Variants in MAD1L1 observed in about 807,000 individuals in gnomAD.
MAD1L1 encodes mitotic arrest deficient 1 like 1, also known as mitotic spindle assembly checkpoint protein MAD1.
A neutral mutation model predicts 96.9 loss-of-function variants in MAD1L1; 95 were observed. That is an observed-to-expected ratio of 0.98 (90% CI 0.83 to 1.16). The LOEUF (loss-of-function observed/expected upper bound fraction) is 1.16. Among genes scored for constraint, MAD1L1 ranks in the 50% most tolerant of loss-of-function variants. The pLI, the probability that MAD1L1 is intolerant of heterozygous loss-of-function variation, is 0.00. For missense variants in MAD1L1, 1,007 were observed against 954.4 expected, an observed-to-expected ratio of 1.06 and a Z score of -0.73; for synonymous variants, 473 against 396.6, an observed-to-expected ratio of 1.19 and a Z score of -2.29.
At chr7:2,098,516 G>C (rs1786615226) in intron 11 of MAD1L1, among the ~76,000 whole-genome samples, 1 of 152,198 alleles carries the variant, frequency 6.6e-6, no homozygotes, top group Admixed American at 6.5e-5. Context: ...CGCAGCAGCA[G>C]TCACCCAAGC....
At chr7:2,116,575 G>GC (rs1787711134) in intron 11 of MAD1L1, among the ~76,000 whole-genome samples, 1 of 151,242 alleles carries the variant, frequency 6.6e-6, no homozygotes, top group Non-Finnish European at 1.5e-5. Flanking sequence ...GTTGGGGGGG[G>GC]GGGGGGCTCC....
chr7:1,853,905 G>C (rs1168841662), intron 18 of MAD1L1, among the ~76,000 whole-genome samples: 2 of 152,312 alleles, frequency 1.3e-5, no homozygotes, highest in African/African-American at 4.8e-5. Context: ...TTATCAGAAA[G>C]TCCTGTCAGG....
intron 18 of MAD1L1, among the ~76,000 whole-genome samples, chr7:1,854,669 C>T (rs917918412): frequency 3.3e-5 from 5 of 152,298 alleles, no homozygotes; most frequent in African/African-American, 7.2e-5. Context: ...AACTGCGGGA[C>T]ACAAACCTCG....
At chr7:2,018,893 T>A (rs1416161618) in intron 12 of MAD1L1, among the ~76,000 whole-genome samples, 1 of 152,008 alleles carries the variant, frequency 6.6e-6, no homozygotes, top group Non-Finnish European at 1.5e-5. Flanking sequence ...CATGCGACAT[T>A]CTCTGCAGGG....
intron 12 of MAD1L1, among the ~76,000 whole-genome samples, chr7:2,061,903 G>A (rs1394812269): frequency 6.6e-6 from 1 of 152,218 alleles, no homozygotes; most frequent in Non-Finnish European, 1.5e-5. Context: ...GGAAGCCAGG[G>A]ACTAAAGAGT....
At chr7:2,107,114 G>A (rs1010255031) in intron 11 of MAD1L1, among the ~76,000 whole-genome samples, 3 of 152,254 alleles carry the variant, frequency 2.0e-5, no homozygotes, top group African/African-American at 7.2e-5. Context: ...GAGGATGGCA[G>A]CGCACCGGGA....
chr7:2,038,163 G>T (rs543653368), intron 12 of MAD1L1, among the ~76,000 whole-genome samples: 2 of 152,334 alleles, frequency 1.3e-5, no homozygotes, highest in East Asian at 3.9e-4. Context: ...CAAGTTCCAC[G>T]AGGCTGAGAG....
chr7:1,992,828 CG>C (rs951800921), intron 14 of MAD1L1, among the ~76,000 whole-genome samples: 33 of 151,474 alleles, frequency 2.2e-4, no homozygotes, highest in African/African-American at 8.0e-4. Flanking sequence ...GGGAGGCAGG[CG>C]GCAGGGGCAG....
intron 10 of MAD1L1, among the ~76,000 whole-genome samples, chr7:2,179,077 C>G (rs1791071015): frequency 6.6e-6 from 1 of 152,122 alleles, no homozygotes; most frequent in Admixed American, 6.5e-5. Context: ...CTAAAACGGT[C>G]AGAATCAGAT....
intron 11 of MAD1L1, among the ~76,000 whole-genome samples, chr7:2,131,427 G>A (rs1788505063): frequency 6.6e-6 from 1 of 152,228 alleles, no homozygotes; most frequent in South Asian, 2.1e-4. Flanking sequence ...GGAGATGAGA[G>A]GACACTAAAC....
intron 10 of MAD1L1, among the ~76,000 whole-genome samples, chr7:2,161,472 C>A (rs534082493): frequency 6.6e-6 from 1 of 152,206 alleles, no homozygotes; most frequent in African/African-American, 2.4e-5. Flanking sequence ...CACCTCCCAG[C>A]CGCCTGACTT....
intron 18 of MAD1L1, among the ~76,000 whole-genome samples, chr7:1,892,296 C>G (rs181742165): frequency 6.6e-6 from 1 of 152,176 alleles, no homozygotes; most frequent in East Asian, 1.9e-4. Context: ...TAGGAAGTTC[C>G]CGCAAAGACA....
intron 12 of MAD1L1, among the ~76,000 whole-genome samples, chr7:2,043,541 G>C (rs1438164364): frequency 6.6e-6 from 1 of 152,248 alleles, no homozygotes; most frequent in African/African-American, 2.4e-5. Context: ...GGGCGGGCTT[G>C]GGAACGTGAT....
At chr7:2,080,701 G>A (rs1329281188) in intron 11 of MAD1L1, among the ~76,000 whole-genome samples, 3 of 152,224 alleles carry the variant, frequency 2.0e-5, no homozygotes, top group Non-Finnish European at 2.9e-5. Context: ...CAGCCCTGCT[G>A]TCGGCTGCAC....
intron 15 of MAD1L1, among the ~76,000 whole-genome samples, chr7:1,971,049 G>A (rs1326763993): frequency 3.9e-5 from 6 of 152,146 alleles, no homozygotes; most frequent in Non-Finnish European, 7.4e-5. Context: ...GATGCATGCA[G>A]TGCCACCCGG....
intron 17 of MAD1L1, among the ~76,000 whole-genome samples, chr7:1,908,448 C>T (rs1488230346): frequency 1.3e-5 from 2 of 152,156 alleles, no homozygotes; most frequent in South Asian, 2.1e-4. Flanking sequence ...GTGGCGCGAT[C>T]GTGGCTCACT....
chr7:2,157,471 G>A (rs903116783), intron 10 of MAD1L1, among the ~76,000 whole-genome samples: 6 of 152,220 alleles, frequency 3.9e-5, no homozygotes, highest in African/African-American at 1.2e-4. Flanking sequence ...CACGGAAGAC[G>A]CTGCCCATCT....
chr7:2,224,870 C>A (rs1351888873), intron 4 of MAD1L1, among the ~76,000 whole-genome samples: 1 of 152,172 alleles, frequency 6.6e-6, no homozygotes, highest in Non-Finnish European at 1.5e-5. Flanking sequence ...GCACCCTTTG[C>A]TAGGGCCCTC....
At chr7:1,879,239 T>C (rs1785546095) in intron 18 of MAD1L1, among the ~76,000 whole-genome samples, 1 of 152,088 alleles carries the variant, frequency 6.6e-6, no homozygotes, top group Non-Finnish European at 1.5e-5. Flanking sequence ...GTGGATTGCC[T>C]GAAGTCAGGA....
Sources: allele counts gnomAD v4.1 joint callset (sites outside exome capture counted in the v4.1 genomes callset), GRCh38; gene constraint gnomAD v4.1.1; transcripts MANE v1.5; gene names NCBI Gene and HGNC (gene_info 2026-07-23, HGNC 2026-07-21).